GPC5: variants seen among roughly 807,000 people sequenced by gnomAD.
GPC5 encodes the protein glypican 5, also known as glypican-5.
GPC5 carries 47 observed loss-of-function variants against 53.9 expected under a neutral mutation model. The ratio of observed to expected loss-of-function variants is 0.87; its 90% CI spans 0.69 to 1.11. The LOEUF (loss-of-function observed/expected upper bound fraction) is 1.11, where lower values mean the gene tolerates loss of function less well. Ranked by LOEUF, GPC5 falls within the 50% of genes most tolerant of loss-of-function variation. The pLI, the probability that GPC5 is intolerant of heterozygous loss-of-function variation, is 0.00. For synonymous variants in GPC5, 286 were observed against 263.3 expected (o/e 1.09, Z -0.84); for missense variants, 748 against 713.1 (o/e 1.05, Z -0.56).
intron 3 of GPC5, among the ~76,000 whole-genome samples, chr13:91,724,043 A>G (rs2036527753): frequency 6.6e-6 from 1 of 152,210 alleles, no homozygotes; most frequent in Non-Finnish European, 1.5e-5. Context: ...TCAGCCAGCA[A>G]TTTTAGAAAC....
chr13:92,307,346 C>T (rs2043117660), intron 7 of GPC5, among the ~76,000 whole-genome samples: 1 of 152,052 alleles, frequency 6.6e-6, no homozygotes, highest in Non-Finnish European at 1.5e-5. Context: ...CCCAGCTACT[C>T]GGGAGGCTGA....
chr13:92,329,162 A>C (rs2043271920), intron 7 of GPC5, among the ~76,000 whole-genome samples: 1 of 152,140 alleles, frequency 6.6e-6, no homozygotes. Context: ...ATCTCTATAA[A>C]GAAATAGCTG....
At chr13:92,823,948 C>A (rs1363362420) in intron 7 of GPC5, among the ~76,000 whole-genome samples, 1 of 151,970 alleles carries the variant, frequency 6.6e-6, no homozygotes, top group Non-Finnish European at 1.5e-5. Flanking sequence ...TCCTTTTTCA[C>A]TTTTTTCCCC....
At chr13:91,568,177 A>G (rs1228676364) in intron 2 of GPC5, among the ~76,000 whole-genome samples, 1 of 152,182 alleles carries the variant, frequency 6.6e-6, no homozygotes, top group Non-Finnish European at 1.5e-5. Flanking sequence ...CTCAGATAGT[A>G]TGTTTATAGC....
intron 7 of GPC5, among the ~76,000 whole-genome samples, chr13:92,582,132 T>C (rs1002019688): frequency 6.6e-6 from 1 of 152,144 alleles, no homozygotes; most frequent in African/African-American, 2.4e-5. Context: ...ATCAATGTCA[T>C]ATAGTTTTGC....
chr13:91,918,500 T>G (rs1196207770), intron 6 of GPC5, among the ~76,000 whole-genome samples: 2 of 152,240 alleles, frequency 1.3e-5, no homozygotes. Context: ...TTTATTGTGC[T>G]AGATAATTAT....
chr13:91,959,101 CAT>C (rs1555300078), intron 6 of GPC5, among the ~76,000 whole-genome samples: 3 of 142,388 alleles, frequency 2.1e-5, no homozygotes, highest in Admixed American at 6.9e-5. Context: ...CACACACACA[CAT>C]CAATGATGAA....
chr13:92,299,434 T>C (rs2043060363), intron 7 of GPC5, among the ~76,000 whole-genome samples: 1 of 152,178 alleles, frequency 6.6e-6, no homozygotes, highest in African/African-American at 2.4e-5. Context: ...GAAGTGACTA[T>C]GAATAATGAC....
At chr13:91,732,345 CG>C (rs1363424881) in intron 4 of GPC5, among the ~76,000 whole-genome samples, 2 of 148,950 alleles carry the variant, frequency 1.3e-5, no homozygotes, top group East Asian at 3.9e-4. Flanking sequence ...TTGAAAATGT[CG>C]GTTCATATCC....
chr13:92,724,232 G>A (rs1425281074), intron 7 of GPC5, among the ~76,000 whole-genome samples: 2 of 151,232 alleles, frequency 1.3e-5, no homozygotes, highest in Non-Finnish European at 3.0e-5. Context: ...AATAAGTTAG[G>A]TTTTTATTTT....
At chr13:92,237,563 C>T (rs780658388) in intron 7 of GPC5, among the ~76,000 whole-genome samples, 1 of 152,056 alleles carries the variant, frequency 6.6e-6, no homozygotes, top group Non-Finnish European at 1.5e-5. Context: ...ATAGAAAAAT[C>T]ATGATCATAT....
intron 7 of GPC5, among the ~76,000 whole-genome samples, chr13:92,464,918 A>G (rs527877839): frequency 4.6e-5 from 7 of 151,942 alleles, no homozygotes; most frequent in Admixed American, 1.3e-4. Flanking sequence ...TATTTAAACA[A>G]TGTATATTTA....
chr13:92,630,780 T>C (rs187942799), intron 7 of GPC5, among the ~76,000 whole-genome samples: 143 of 152,304 alleles, frequency 9.4e-4, no homozygotes, highest in African/African-American at 3.3e-3. Flanking sequence ...TGTCTCAACT[T>C]GTCCTAGCAA....
At chr13:91,409,128 A>G (rs1877538368) in intron 1 of GPC5, among the ~76,000 whole-genome samples, 1 of 152,176 alleles carries the variant, frequency 6.6e-6, no homozygotes, top group Non-Finnish European at 1.5e-5. Context: ...GTAAGGTTAT[A>G]CCGAGCTACA....
intron 5 of GPC5, among the ~76,000 whole-genome samples, chr13:91,799,672 A>G (rs1178398387): frequency 6.6e-6 from 1 of 152,182 alleles, no homozygotes; most frequent in Non-Finnish European, 1.5e-5. Flanking sequence ...TTCAATCTAT[A>G]TACAGCATAG....
chr13:92,597,736 A>G (rs9589596), intron 7 of GPC5, among the ~76,000 whole-genome samples: 2,998 of 152,330 alleles, frequency 0.02, 90 homozygotes, highest in African/African-American at 0.056. Flanking sequence ...AGACAGAGAA[A>G]AGATAGGAAC....
At chr13:92,438,482 G>A (rs1350746067) in intron 7 of GPC5, among the ~76,000 whole-genome samples, 1 of 151,590 alleles carries the variant, frequency 6.6e-6, no homozygotes, top group African/African-American at 2.4e-5. Flanking sequence ...AGCAGGGAGA[G>A]TAGTCAAGAG....
intron 7 of GPC5, among the ~76,000 whole-genome samples, chr13:92,484,370 A>G (rs1594240938): frequency 6.6e-6 from 1 of 152,212 alleles, no homozygotes; most frequent in Non-Finnish European, 1.5e-5. Flanking sequence ...ACTCTAAAAT[A>G]ACTATAAAAA....
At chr13:91,693,948 A>G in intron 3 of GPC5, 67 bp downstream of exon 3, 1 of 1,122,750 alleles carries the variant, frequency 8.9e-7, no homozygotes, top group South Asian at 1.4e-5. Context: ...GATATACTTT[A>G]GGAAATAGTA....
Sources: allele counts gnomAD v4.1 joint callset (sites outside exome capture counted in the v4.1 genomes callset), GRCh38; gene constraint gnomAD v4.1.1; transcripts MANE v1.5; gene names NCBI Gene and HGNC (gene_info 2026-07-23, HGNC 2026-07-21).